The following MYO1C variants were observed in gnomAD, a reference collection of about 807,000 sequenced individuals.
MYO1C encodes the protein unconventional myosin-Ic.
A neutral mutation model predicts 150.8 loss-of-function variants in MYO1C; 104 were observed. That is an observed-to-expected ratio of 0.69 (90% confidence interval 0.59 to 0.81). The LOEUF (loss-of-function observed/expected upper bound fraction) is 0.81. Among genes scored for constraint, MYO1C ranks in the 30% least tolerant of loss-of-function variants. MYO1C has a pLI of 0.00. For missense variants in MYO1C, 1,504 were observed against 1,435.0 expected (o/e 1.05, Z -0.78); for synonymous variants, 663 against 579.9 (o/e 1.14, Z -2.06).
intron 17 of MYO1C, among the ~76,000 whole-genome samples, 198 bp downstream of exon 17, chr17:1,474,412 A>G: frequency 1.4e-5 from 2 of 143,592 alleles, no homozygotes; most frequent in Admixed American, 7.2e-5. Context: ...TGGGCAACAG[A>G]GCGAGACCCT....
Position 1,478,641 on chromosome 17 carries a change from T to TTCCC in MYO1C, c.1183_1186dup (p.Lys396ArgfsTer32). The TTCCC allele has an allele frequency of 6.2e-7, 1 of 1,614,152 alleles. No individual in the cohort carries two copies. The highest frequency in any genetic ancestry group is 8.5e-7 in the Non-Finnish European group (1 of 1,180,022). On this transcript the variant is annotated frameshift_variant, in exon 10 of 32. Transcript: ENST00000648651. LOFTEE classifies it high-confidence loss of function. The surrounding 1 kb of genome is among the most constrained non-coding windows in gnomAD (Gnocchi z 6.3). ...CTTGGAGGCCAGCGACCTGTTGATC[T>TTCCC]TCCCGACGAGCCAGGTAAAAGTGCG...
rs767626327 is a variant in MYO1C, at chr17:1,472,165, C to T, written c.1861G>A (p.Ala621Thr). 7 of 1,614,010 alleles carry T rather than the reference C, an allele frequency of 4.3e-6. No individual in the cohort carries two copies. Among genetic ancestry groups the T allele is most frequent in the African/African-American group, 1.3e-5 (1 of 74,926 alleles). Residue 621 changes from alanine (A) to threonine (T), a missense_variant, in exon 18 of 32, where the codon GCC (alanine) becomes ACC (threonine). Physicochemically the swap from Ala to Thr is moderately conservative, Grantham distance 58. Transcript: ENST00000648651. ...LVEILQSKEP[A>T]YVRCIKPNDA... ...TTGGGTTTGATGCAGCGGACGTAGG[C>T]GGGCTCCTTAGACTGCAGGATCTCC...
chr17:1,481,146 C>T, intron 5 of MYO1C: 1 of 523,040 alleles, frequency 1.9e-6, no homozygotes, highest in South Asian at 2.1e-5. Flanking sequence ...AGGCCTGAAG[C>T]TCAACACCGG....
intron 1 of MYO1C, among the ~76,000 whole-genome samples, chr17:1,488,269 G>A (rs2074690769): frequency 6.6e-6 from 1 of 152,080 alleles, no homozygotes; most frequent in African/African-American, 2.4e-5. Flanking sequence ...GCCCGCTGGC[G>A]CCCCCGCAGC....
chr17:1,488,979 C>G lies in MYO1C; in HGVS notation c.75+3434G>C, dbSNP rs913018699. Among the ~76,000 whole-genome samples, 3 of 152,194 alleles carry G rather than the reference C, an allele frequency of 2.0e-5. No homozygotes were observed. The South Asian group carries it at 6.2e-4, about 32-fold the overall frequency. On this transcript the variant is annotated intron_variant, in intron 1 of 31. Transcript: ENST00000648651. ...TGACTTCTGCGGACAGCGGAAAGCT[C>G]AAATGTTCCCCCAGCCTAAGGGCAC...
chr17:1,471,980 C>T lies in MYO1C; in HGVS notation c.1948G>A (p.Gly650Arg). Residue 650 changes from glycine (G) to arginine (R), a missense_variant, in exon 19 of 32, where the codon GGG becomes AGG. Gly to Arg is a moderately radical substitution (Grantham distance 125). Coordinates refer to ENST00000648651, the MANE Select transcript of MYO1C (RefSeq NM_001080779.2). ...CGCACGCGCAGGTTTTCCAACAGCC[C>T]CAGGTACTTCACCTGGTGGCGGATC... is the stretch of plus-strand genomic sequence containing the variant. ...VLIRHQVKYLGLLENLRVRRA... is the reference protein window; with the variant it reads ...VLIRHQVKYLRLLENLRVRRA... 2 of 1,614,078 alleles carry T rather than the reference C, an allele frequency of 1.2e-6. No individual in the cohort carries two copies. The highest frequency in any genetic ancestry group is 1.1e-5 in the South Asian group (1 of 91,088).
At chr17:1,485,645 G>A in intron 1 of MYO1C, 1 of 1,189,890 alleles carries the variant, frequency 8.4e-7, no homozygotes, top group South Asian at 3.3e-5. Flanking sequence ...CGCGAGGTGG[G>A]GAGGGACGCC....
At chr17:1,491,675 C>A in intron 1 of MYO1C, 2 of 980,096 alleles carry the variant, frequency 2.0e-6, no homozygotes, top group Non-Finnish European at 2.4e-6. Context: ...CCCGGGCGCA[C>A]TCTCCCCGCC....
rs1266158066 is a variant in MYO1C, at chr17:1,474,966, A to G, written c.1641T>C (p.Tyr547=). Residue 547 remains tyrosine (Y), a synonymous_variant, in exon 15 of 32, where the codon TAT becomes TAC. Coordinates refer to ENST00000648651, the MANE Select transcript of MYO1C (RefSeq NM_001080779.2). ...TCACGCTGTAGGTCACCTCCCCCGC[A>G]TAGTGCAGAAGGCGGAATTCCCCTC... is the stretch of plus-strand genomic sequence containing the variant. ...LGRGEFRLLH[Y]AGEVTYSVTG... 2 of 1,575,076 alleles carry G rather than the reference A, an allele frequency of 1.3e-6. No individual in the cohort carries two copies. The highest frequency in any genetic ancestry group is 1.7e-6 in the Non-Finnish European group (2 of 1,159,664).
intron 14 of MYO1C, 56 bp from the exon 15 acceptor site, chr17:1,475,088 G>T: frequency 6.5e-7 from 1 of 1,527,142 alleles, no homozygotes; most frequent in Non-Finnish European, 8.9e-7. Flanking sequence ...CAAGCCCTCT[G>T]CCTGCTGAAA....
chr17:1,471,565 C>G (rs1272687805), intron 19 of MYO1C, among the ~76,000 whole-genome samples: 1 of 152,162 alleles, frequency 6.6e-6, no homozygotes, highest in Non-Finnish European at 1.5e-5. Context: ...CCCCCCAGGC[C>G]CCCGACTCAG....
At chr17:1,485,813 C>G (rs1567535781) in intron 1 of MYO1C, 12 of 655,908 alleles carry the variant, frequency 1.8e-5, no homozygotes, top group South Asian at 6.7e-5. Flanking sequence ...GCCCCCCGCA[C>G]CGCCCCCACC....
chr17:1,477,142 T>G, intron 14 of MYO1C: 1 of 249,580 alleles, frequency 4.0e-6, no homozygotes, highest in Non-Finnish European at 8.0e-6. Context: ...CCTGGCCTTC[T>G]TTCTCTTTTT....
intron 1 of MYO1C, among the ~76,000 whole-genome samples, chr17:1,486,665 G>T (rs1275338467): frequency 6.6e-6 from 1 of 152,102 alleles, no homozygotes; most frequent in Non-Finnish European, 1.5e-5. Flanking sequence ...ACAGGCGTGC[G>T]CCACCACACT....
rs370795129 is a variant in MYO1C, at chr17:1,482,464, C to A, written c.627+14G>T. 1,664 of 1,611,970 alleles carry A rather than the reference C, an allele frequency of 1.0e-3. 2 individuals are homozygous for A. Among genetic ancestry groups the A allele is most frequent in the Non-Finnish European group, 1.4e-3 (1,608 of 1,178,162 alleles). ...ACTGAATGGGAATCCTCACGACACACACATCCATGGTACCTTGAAGTCAAA... is the reference window on the plus strand; with the variant it reads ...ACTGAATGGGAATCCTCACGACACAAACATCCATGGTACCTTGAAGTCAAA... On this transcript the variant is annotated intron_variant, in intron 5 of 31. Coordinates refer to ENST00000648651, the MANE Select transcript of MYO1C (RefSeq NM_001080779.2).
At chr17:1,470,716 G>A (rs1300187203) in intron 21 of MYO1C, 27 bp from the exon 22 acceptor site, 1 of 1,593,076 alleles carries the variant, frequency 6.3e-7, no homozygotes, top group Admixed American at 1.7e-5. Context: ...AAGGCAATTG[G>A]CCAGAGCGCG....
In MYO1C at chr17:1,467,563, C is replaced by T; in HGVS notation, c.2982G>A (p.Leu994=). The part of the protein sequence containing the change: ...ADNKQKGDVV[L]QSDHVIETLT... Reference sequence around the variant, plus strand: ...GCGTCTCAATCACGTGGTCACTCTGCAGCACCACATCTCCCTGGGGGGCCA... The same window carrying T: ...GCGTCTCAATCACGTGGTCACTCTGTAGCACCACATCTCCCTGGGGGGCCA... Residue 994 remains leucine (L), a synonymous_variant, in exon 30 of 32, where the codon CTG becomes CTA. Transcript: ENST00000648651. 6.2e-7 allele frequency: 1 copy of T among 1,613,390 alleles called. No homozygotes were observed. Among genetic ancestry groups the T allele is most frequent in the East Asian group, 2.2e-5 (1 of 44,856 alleles).
chr17:1,485,139 C>T, intron 1 of MYO1C: 3 of 1,207,654 alleles, frequency 2.5e-6, no homozygotes, highest in Non-Finnish European at 3.2e-6. Context: ...AGCCCAGCTG[C>T]CTCTGGGTCC....
intron 5 of MYO1C, among the ~76,000 whole-genome samples, 171 bp downstream of exon 5, chr17:1,482,307 C>T (rs1007481958): frequency 7.9e-5 from 12 of 152,158 alleles, no homozygotes; most frequent in South Asian, 2.1e-4. Flanking sequence ...TTTTCTGCCA[C>T]GGCCTCAATT....
Sources: gnomAD v4.1 joint callset for allele counts (sites outside exome capture counted in the v4.1 genomes callset) on GRCh38, gnomAD v4.1.1 for gene constraint, Gnocchi (gnomAD v3.1) non-coding constraint, MANE v1.5 for transcripts, NCBI Gene and HGNC (gene_info 2026-07-23, HGNC 2026-07-21) for gene names.